Variants in RBFOX1 observed in about 807,000 individuals in gnomAD.
The protein encoded by RBFOX1 is RNA binding protein fox-1 homolog 1.
RBFOX1 carries 8 observed loss-of-function variants against 57.7 expected under a neutral mutation model. The ratio of observed to expected loss-of-function variants is 0.14; its 90% CI spans 0.08 to 0.25. RBFOX1 has a LOEUF of 0.25. RBFOX1 is among the 10% of genes least tolerant of loss of function. RBFOX1 has a pLI of 1.00. For synonymous variants in RBFOX1, 326 were observed against 222.4 expected (o/e 1.47, Z -4.15); for missense variants, 611 against 548.5 (o/e 1.11, Z -1.14).
At chr16:6,694,416 G>C (rs530270808) in intron 3 of RBFOX1, among the ~76,000 whole-genome samples, 3 of 152,286 alleles carry the variant, frequency 2.0e-5, no homozygotes, top group East Asian at 1.9e-4. Context: ...AGAAAAAACT[G>C]GTTGGTCTTA....
chr16:7,094,875 A>G (rs2061450509), intron 4 of RBFOX1, among the ~76,000 whole-genome samples: 1 of 151,946 alleles, frequency 6.6e-6, no homozygotes, highest in Non-Finnish European at 1.5e-5. Flanking sequence ...ACATTTGGAT[A>G]ACGTGTTCTC....
At chr16:6,991,226 G>C (rs1466195441) in intron 3 of RBFOX1, among the ~76,000 whole-genome samples, 1 of 151,722 alleles carries the variant, frequency 6.6e-6, no homozygotes, top group East Asian at 1.9e-4. Flanking sequence ...CTTGAGCCTG[G>C]GAGGCAGAGG....
chr16:7,031,139 A>G (rs1214957709), intron 3 of RBFOX1, among the ~76,000 whole-genome samples: 4 of 152,202 alleles, frequency 2.6e-5, no homozygotes, highest in Non-Finnish European at 5.9e-5. Flanking sequence ...GGTATGCTGC[A>G]GGATAGTGGC....
At chr16:5,625,563 T>C (rs1194887449) in intron 3 of RBFOX1, among the ~76,000 whole-genome samples, 1 of 150,486 alleles carries the variant, frequency 6.6e-6, no homozygotes, top group African/African-American at 2.5e-5. Context: ...TATTTATTTA[T>C]TTATTTATTT....
intron 1 of RBFOX1, among the ~76,000 whole-genome samples, chr16:5,304,024 A>G (rs1358989694): frequency 1.3e-5 from 2 of 152,210 alleles, no homozygotes; most frequent in Admixed American, 6.5e-5. Flanking sequence ...AGCTTTGATC[A>G]TAACTTAATT....
At chr16:7,108,915 A>C (rs8056690) in intron 4 of RBFOX1, among the ~76,000 whole-genome samples, 3 of 152,024 alleles carry the variant, frequency 2.0e-5, no homozygotes, top group African/African-American at 7.2e-5. Context: ...GTTTGTCTGT[A>C]CTGACATTCA....
intron 3 of RBFOX1, among the ~76,000 whole-genome samples, chr16:5,831,055 C>G (rs1403898165): frequency 6.6e-5 from 10 of 152,180 alleles, no homozygotes; most frequent in African/African-American, 1.2e-4. Context: ...AATATCTGTT[C>G]TCCTTACCCA....
chr16:7,226,669 A>T (rs889766354), intron 4 of RBFOX1, among the ~76,000 whole-genome samples: 3 of 152,218 alleles, frequency 2.0e-5, no homozygotes, highest in Non-Finnish European at 4.4e-5. Flanking sequence ...AGTCTTTCAG[A>T]CTTAATTTCT....
intron 1 of RBFOX1, among the ~76,000 whole-genome samples, chr16:5,328,489 C>G (rs74003875): frequency 0.017 from 2,574 of 152,332 alleles, 67 homozygotes; most frequent in African/African-American, 0.058. Context: ...CCCTAGCAAA[C>G]TGATGGAATG....
At chr16:6,965,637 G>A (rs2153558295) in intron 3 of RBFOX1, among the ~76,000 whole-genome samples, 1 of 152,284 alleles carries the variant, frequency 6.6e-6, no homozygotes, top group Admixed American at 6.5e-5. Context: ...GCGCCTGGCT[G>A]ACAAATCCAG....
intron 3 of RBFOX1, among the ~76,000 whole-genome samples, chr16:6,944,916 C>G (rs113099257): frequency 0.014 from 2,165 of 152,250 alleles, 61 homozygotes; most frequent in African/African-American, 0.05. Flanking sequence ...CTTAGCTATT[C>G]TGTCTGTAAG....
At chr16:5,506,228 C>G (rs1005537778) in intron 2 of RBFOX1, among the ~76,000 whole-genome samples, 1 of 152,222 alleles carries the variant, frequency 6.6e-6, no homozygotes, top group East Asian at 1.9e-4. Context: ...CTCTCCTACA[C>G]CAGTACTGAG....
intron 2 of RBFOX1, among the ~76,000 whole-genome samples, chr16:6,616,240 T>G (rs1462548316): frequency 6.6e-6 from 1 of 152,246 alleles, no homozygotes; most frequent in Non-Finnish European, 1.5e-5. Flanking sequence ...TGTGCTCATA[T>G]TCTCCTGTCC....
At chr16:6,940,159 T>G (rs2078111474) in intron 3 of RBFOX1, among the ~76,000 whole-genome samples, 1 of 151,884 alleles carries the variant, frequency 6.6e-6, no homozygotes, top group Admixed American at 6.6e-5. Flanking sequence ...GCTGCTCCAC[T>G]CCAGTCTGGG....
At chr16:6,529,899 A>ACT (rs937510234) in intron 2 of RBFOX1, among the ~76,000 whole-genome samples, 1 of 152,028 alleles carries the variant, frequency 6.6e-6, no homozygotes. Flanking sequence ...CTTTTTCTCC[A>ACT]CTCACTGCTC....
intron 1 of RBFOX1, among the ~76,000 whole-genome samples, chr16:6,071,928 C>G (rs188302201): frequency 3.9e-5 from 6 of 152,194 alleles, no homozygotes; most frequent in African/African-American, 1.2e-4. Flanking sequence ...TTCTTTAAGG[C>G]TGAATAATAT....
intron 3 of RBFOX1, among the ~76,000 whole-genome samples, chr16:6,927,626 T>C (rs949566985): frequency 2.6e-5 from 4 of 152,078 alleles, no homozygotes; most frequent in African/African-American, 9.7e-5. Context: ...AGGGGCTTAA[T>C]AGACATCTGC....
At chr16:5,661,711 T>C (rs1370864914) in intron 3 of RBFOX1, among the ~76,000 whole-genome samples, 2 of 152,230 alleles carry the variant, frequency 1.3e-5, no homozygotes, top group Non-Finnish European at 2.9e-5. Flanking sequence ...TCTGCTGTCT[T>C]ATCAAATTTT....
chr16:7,140,304 A>C (rs1380515126), intron 4 of RBFOX1, among the ~76,000 whole-genome samples: 1 of 94,032 alleles, frequency 1.1e-5, no homozygotes, highest in Non-Finnish European at 2.1e-5. Context: ...TTTAAAGGTC[A>C]CCTTCTCTTG....
Sources: gnomAD v4.1 joint callset for allele counts (sites outside exome capture counted in the v4.1 genomes callset) on GRCh38, gnomAD v4.1.1 for gene constraint, MANE v1.5 for transcripts, NCBI Gene and HGNC (gene_info 2026-07-23, HGNC 2026-07-21) for gene names.